Variants in AEN observed in about 807,000 individuals in gnomAD.
AEN encodes apoptosis-enhancing nuclease.
In AEN, 21 loss-of-function variants were observed where a neutral mutation model predicts 17.7. The ratio of observed to expected loss-of-function variants is 1.19; its 90% CI spans 0.84 to 1.71. The LOEUF (loss-of-function observed/expected upper bound fraction) is 1.71. Ranked by LOEUF, AEN falls within the 40% of genes most tolerant of loss-of-function variation. AEN has a pLI of 0.00. For synonymous variants in AEN, 190 were observed against 173.0 expected (o/e 1.10, Z -0.77); for missense variants, 462 against 435.9 (o/e 1.06, Z -0.53).
At chr15:88,623,781 T>A (rs2057816804) in intron 1 of AEN, among the ~76,000 whole-genome samples, 1 of 152,070 alleles carries the variant, frequency 6.6e-6, no homozygotes, top group South Asian at 2.1e-4. Flanking sequence ...GGACACCAGA[T>A]TGCGGTAGGG....
chr15:88,605,604 G>A, the AEN span, among the ~76,000 whole-genome samples: 1 of 152,226 alleles, frequency 6.6e-6, no homozygotes, highest in Non-Finnish European at 1.5e-5. This position sits in a 1 kb window ranked among gnomAD's most constrained non-coding sequence, Gnocchi z 7.6. Context: ...TAACTCCAGG[G>A]AGGGGAATCA....
chr15:88,616,085 G>A, the AEN span, among the ~76,000 whole-genome samples: 1 of 134,860 alleles, frequency 7.4e-6, no homozygotes, highest in East Asian at 2.4e-4. Flanking sequence ...CTTTGTGGAA[G>A]GAGGCGTTTT....
chr15:88,623,840 G>T (rs2057817474), intron 1 of AEN, among the ~76,000 whole-genome samples: 1 of 152,234 alleles, frequency 6.6e-6, no homozygotes, highest in African/African-American at 2.4e-5. Flanking sequence ...ATGAAATGGT[G>T]CAAAGGAGAG....
Position 88,629,300 on chromosome 15 carries a change from C to T in AEN, c.615C>T (p.Val205=), listed in dbSNP as rs1275605828. ...ACGACTTCCAGGCGCTCAAGTATGT[C>T]CACCCTCGGAGCCAGACCCGGGATA... ...LHNDFQALKY[V]HPRSQTRDTT... is the part of the protein sequence containing the mutation. Residue 205 remains valine (V), a synonymous_variant, in exon 3 of 4, where the codon GTC becomes GTT. Coordinates refer to ENST00000332810, the MANE Select transcript of AEN (RefSeq NM_022767.4). 6.2e-7 allele frequency: 1 copy of T among 1,614,134 alleles called. No individual in the cohort carries two copies. The highest frequency in any genetic ancestry group is 8.5e-7 in the Non-Finnish European group (1 of 1,180,012).
chr15:88,614,385 G>C, the AEN span, among the ~76,000 whole-genome samples: 1 of 151,982 alleles, frequency 6.6e-6, no homozygotes, highest in African/African-American at 2.4e-5. Flanking sequence ...ATTTTTTGTA[G>C]AGACGGAGTC....
At chr15:88,616,678 C>T (rs1465776499), upstream of AEN, among the ~76,000 whole-genome samples, 1 of 152,322 alleles carries the variant, frequency 6.6e-6, no homozygotes, top group East Asian at 1.9e-4. Context: ...TACAATGGCT[C>T]AATTTAACAT....
chr15:88,613,831 T>A, the AEN span, among the ~76,000 whole-genome samples: 1 of 152,172 alleles, frequency 6.6e-6, no homozygotes, highest in Admixed American at 6.5e-5. Context: ...AAGTGAAGTG[T>A]CATAATATAA....
upstream of AEN, among the ~76,000 whole-genome samples, chr15:88,617,914 C>T (rs2057751553): frequency 6.6e-6 from 1 of 152,188 alleles, no homozygotes; most frequent in Non-Finnish European, 1.5e-5. Flanking sequence ...GGCCCACCCT[C>T]AGCCTAAACC....
chr15:88,615,604 G>A, the AEN span, among the ~76,000 whole-genome samples: 1 of 152,140 alleles, frequency 6.6e-6, no homozygotes, highest in African/African-American at 2.4e-5. Context: ...TCATCAGCTT[G>A]TTAAAATGCT....
At chr15:88,623,118 C>T (rs556230767) in intron 1 of AEN, among the ~76,000 whole-genome samples, 155 of 152,290 alleles carry the variant, frequency 1.0e-3, no homozygotes, top group African/African-American at 3.7e-3. Context: ...GGGCATTGGG[C>T]TTCTTAGGCT....
In AEN at chr15:88,622,760, T is replaced by G. The variant is rs8029800; in HGVS notation, c.-65+1378T>G. Reference sequence around the variant, plus strand: ...AGGCAGGCCCAGGCCTGGTTTTGGGTCTGGTTTTGGGTCTGGTGCGTGGCG... The same window carrying G: ...AGGCAGGCCCAGGCCTGGTTTTGGGGCTGGTTTTGGGTCTGGTGCGTGGCG... On this transcript the variant is annotated intron_variant, in intron 1 of 3. Transcript: ENST00000332810. 5.1e-3 allele frequency among the ~76,000 whole-genome samples: 775 copies of G among 152,116 alleles called. 7 individuals are homozygous for G. The highest frequency in any genetic ancestry group is 0.018 in the African/African-American group (746 of 41,476).
At chr15:88,613,645 G>T in the AEN span, among the ~76,000 whole-genome samples, 1 of 151,852 alleles carries the variant, frequency 6.6e-6, no homozygotes, top group African/African-American at 2.4e-5. Context: ...CCTTTGTTAA[G>T]TGGTGGGGGG....
At chr15:88,629,974 G>A in intron 3 of AEN, 84 bp from the exon 4 acceptor site, 1 of 1,305,802 alleles carries the variant, frequency 7.7e-7, no homozygotes. Flanking sequence ...TGCACAAAGA[G>A]CCCTGGGAAA....
At position 88,631,221 on chromosome 15, in the gene AEN, G is replaced by A. The variant is rs973972688; in HGVS notation, c.*927G>A. The A allele has an allele frequency of 3.1e-5, 14 of 454,204 alleles. No homozygotes were observed. Among genetic ancestry groups the A allele is most frequent in the Admixed American group, 7.1e-5 (3 of 42,522 alleles). 28.1% of individuals were successfully genotyped at this position (454,204 alleles called of 1,614,324 possible). A position where few individuals can be genotyped will look rare whatever the true frequency, so the allele number is the denominator to read the frequency against. ...TTATTTATTAACAGCAGGGCCACTC[G>A]TCTAGGGCAGTGGAGTCTGCGTGTC... On this transcript the variant is annotated 3_prime_UTR_variant, in exon 4 of 4. Transcript: ENST00000332810.
At chr15:88,624,213 G>A (rs1047701929) in intron 1 of AEN, among the ~76,000 whole-genome samples, 2 of 152,124 alleles carry the variant, frequency 1.3e-5, no homozygotes, top group Non-Finnish European at 2.9e-5. Context: ...GTGGAGACCC[G>A]AGAGAGCCTC....
At chr15:88,617,488 G>A (rs1197302658), upstream of AEN, among the ~76,000 whole-genome samples, 1 of 152,166 alleles carries the variant, frequency 6.6e-6, no homozygotes, top group East Asian at 1.9e-4. Flanking sequence ...TGAGACCTCA[G>A]GTGATTCACC....
Position 88,629,294 on chromosome 15 carries a change from G to T in AEN, c.609G>T (p.Lys203Asn), listed in dbSNP as rs529539629. ...TGCACAACGACTTCCAGGCGCTCAA[G>T]TATGTCCACCCTCGGAGCCAGACCC... is the stretch of plus-strand genomic sequence containing the variant. ...HALHNDFQAL[K>N]YVHPRSQTRD... Residue 203 changes from lysine to asparagine, a missense_variant, in exon 3 of 4, where the codon AAG (lysine) becomes AAT (asparagine). Transcript: ENST00000332810. 6.2e-7 allele frequency: 1 copy of T among 1,614,160 alleles called. No homozygotes were observed.
Position 88,626,760 on chromosome 15 carries a change from G to A in AEN, c.540+11G>A. The A allele has an allele frequency of 6.2e-7, 1 of 1,600,562 alleles. No individual in the cohort carries two copies. Among genetic ancestry groups the A allele is most frequent in the Non-Finnish European group, 8.5e-7 (1 of 1,177,074 alleles). On this transcript the variant is annotated intron_variant, in intron 2 of 3. Coordinates refer to ENST00000332810, the MANE Select transcript of AEN (RefSeq NM_022767.4). The stretch of plus-strand genomic sequence containing the variant: ...GTGGCCCAGAAAGAGGTAAGGGCAG[G>A]GATGGGGACTTGTTTGGGAGGTGTG...
At chr15:88,617,143 G>A (rs974293522), upstream of AEN, among the ~76,000 whole-genome samples, 1 of 151,970 alleles carries the variant, frequency 6.6e-6, no homozygotes, top group Non-Finnish European at 1.5e-5. Flanking sequence ...CAGGCTGGAG[G>A]GTAACACAAT....
Sources: allele counts gnomAD v4.1 joint callset (sites outside exome capture counted in the v4.1 genomes callset), GRCh38; gene constraint gnomAD v4.1.1; non-coding constraint Gnocchi (gnomAD v3.1); transcripts MANE v1.5; gene names NCBI Gene and HGNC (gene_info 2026-07-23, HGNC 2026-07-21).